The following NDST4 variants were observed in gnomAD, a reference collection of about 807,000 sequenced individuals.
NDST4 encodes N-heparan sulfate sulfotransferase 4.
NDST4 carries 63 observed loss-of-function variants against 100.8 expected under a neutral mutation model. The ratio of observed to expected loss-of-function variants is 0.62; its 90% confidence interval spans 0.51 to 0.77. NDST4 has a LOEUF of 0.77. Ranked by LOEUF, NDST4 falls within the 30% of genes least tolerant of loss-of-function variation. NDST4 has a pLI of 0.00. For missense variants in NDST4, 943 were observed against 1,018.4 expected, an observed-to-expected ratio of 0.93 and a Z score of 1.01; for synonymous variants, 377 against 361.8, an observed-to-expected ratio of 1.04 and a Z score of -0.48.
At chr4:114,940,050 A>T (rs1352183855) in intron 4 of NDST4, among the ~76,000 whole-genome samples, 4 of 152,218 alleles carry the variant, frequency 2.6e-5, no homozygotes, top group African/African-American at 7.2e-5. Flanking sequence ...GATCACAAAA[A>T]TTACAAAATT....
At chr4:115,094,513 A>T (rs1729582586) in intron 1 of NDST4, among the ~76,000 whole-genome samples, 1 of 152,214 alleles carries the variant, frequency 6.6e-6, no homozygotes, top group Non-Finnish European at 1.5e-5. Flanking sequence ...AAACAAACAT[A>T]AACCAAGCCA....
chr4:115,051,816 G>GT (rs1198102209), intron 2 of NDST4, among the ~76,000 whole-genome samples: 6 of 151,972 alleles, frequency 3.9e-5, no homozygotes, highest in Non-Finnish European at 8.8e-5. Flanking sequence ...TTTATTTTTA[G>GT]TTTTTTGAGG....
intron 7 of NDST4, among the ~76,000 whole-genome samples, chr4:114,867,317 G>T (rs1482264858): frequency 6.6e-6 from 1 of 152,086 alleles, no homozygotes; most frequent in Non-Finnish European, 1.5e-5. Context: ...ACTGGGGCTG[G>T]ATGTCTTGAC....
At chr4:114,848,087 A>G (rs1723593104) in intron 9 of NDST4, 128 bp downstream of exon 9, 7 of 752,680 alleles carry the variant, frequency 9.3e-6, no homozygotes, top group Non-Finnish European at 1.4e-5. Context: ...ATCATTATAA[A>G]TTAATTTCTA....
chr4:114,970,316 T>C, intron 4 of NDST4, 114 bp downstream of exon 4: 1 of 940,908 alleles, frequency 1.1e-6, no homozygotes, highest in Non-Finnish European at 1.6e-6. Context: ...TGATGCACCC[T>C]GATATTATAT....
intron 6 of NDST4, among the ~76,000 whole-genome samples, chr4:114,898,275 A>T (rs1022201378): frequency 2.6e-5 from 4 of 152,020 alleles, no homozygotes; most frequent in Non-Finnish European, 5.9e-5. Flanking sequence ...TTTTTATTTG[A>T]TGTGCAGTTG....
rs1330528796 is a variant in NDST4, at chr4:114,937,402, C to T, written c.1323G>A (p.Trp441Ter). The change falls in exon 5 of 14, where the codon TGG becomes TGA. Residue 441 changes from tryptophan (W) to a stop codon, truncating the protein, a stop_gained. Transcript: ENST00000264363. LOFTEE classifies it high-confidence loss of function. Reference sequence around the variant, plus strand: ...CTTCAGTGCTGGTGACTTGAATACCCCAGACCTTCTTCCAAGCTGCATACA... The same window carrying T: ...CTTCAGTGCTGGTGACTTGAATACCTCAGACCTTCTTCCAAGCTGCATACA... ...IQLYAAWKKVWGIQVTSTEEY... is the reference protein window; with the variant it reads ...IQLYAAWKKV 6.2e-7 allele frequency: 1 copy of T among 1,613,978 alleles called. No individual in the cohort carries two copies. The highest frequency in any genetic ancestry group is 8.5e-7 in the Non-Finnish European group (1 of 1,179,918).
At chr4:115,063,304 C>G (rs1224082857) in intron 2 of NDST4, among the ~76,000 whole-genome samples, 1 of 151,822 alleles carries the variant, frequency 6.6e-6, no homozygotes, top group East Asian at 1.9e-4. Flanking sequence ...TGCTCTAGAG[C>G]TAGGCTCAGA....
At chr4:115,048,502 C>G (rs538278243) in intron 2 of NDST4, among the ~76,000 whole-genome samples, 2 of 152,024 alleles carry the variant, frequency 1.3e-5, no homozygotes, top group African/African-American at 2.4e-5. Flanking sequence ...GCATTTTGAT[C>G]AAAAATCTTA....
At chr4:114,855,132 G>GT (rs948455981) in intron 7 of NDST4, among the ~76,000 whole-genome samples, 51 of 149,800 alleles carry the variant, frequency 3.4e-4, no homozygotes, top group East Asian at 7.8e-4. Flanking sequence ...CAGATTATTA[G>GT]TTTTTTTTTT....
In NDST4 at chr4:114,885,860, C is replaced by T. The variant is rs567404412; in HGVS notation, c.1537-14910G>A. 1.2e-4 allele frequency among the ~76,000 whole-genome samples: 18 copies of T among 152,062 alleles called. 1 individual carries two copies. The South Asian group carries it at 3.1e-3, about 26-fold the overall frequency. ...ATTTTATACATCTTTATCTTGGGCT[C>T]TGTATAGTTTCTAGTAAAACCAGAG... On this transcript the variant is annotated intron_variant, in intron 6 of 13. Coordinates refer to ENST00000264363, the MANE Select transcript of NDST4 (RefSeq NM_022569.3).
At chr4:114,835,604 G>A (rs1309537497) in intron 11 of NDST4, among the ~76,000 whole-genome samples, 4 of 152,168 alleles carry the variant, frequency 2.6e-5, no homozygotes, top group East Asian at 1.9e-4. Flanking sequence ...TTGATTTGGA[G>A]TGGAGAGTTC....
At chr4:114,911,102 A>G (rs978190097) in intron 6 of NDST4, among the ~76,000 whole-genome samples, 10 of 152,056 alleles carry the variant, frequency 6.6e-5, no homozygotes, top group African/African-American at 2.4e-4. Flanking sequence ...AGTGGCTCAC[A>G]TCTCACTTAT....
chr4:115,100,896 C>G (rs1354514416), intron 1 of NDST4, among the ~76,000 whole-genome samples: 1 of 151,394 alleles, frequency 6.6e-6, no homozygotes, highest in African/African-American at 2.4e-5. Context: ...GCAAGATGCC[C>G]TTATCTTTAA....
chr4:115,103,048 T>C (rs1263247101), intron 1 of NDST4, among the ~76,000 whole-genome samples: 3 of 151,960 alleles, frequency 2.0e-5, no homozygotes, highest in Non-Finnish European at 4.4e-5. Context: ...AATAAATACA[T>C]TAATGCTGTC....
Position 114,890,299 on chromosome 4 carries a change from T to C in NDST4, c.1537-19349A>G, listed in dbSNP as rs530699169. ...ATTTATAAATCTAATGCAATTATAG[T>C]TATCACGATGACTATAAGTAAATTA... On this transcript the variant is annotated intron_variant, in intron 6 of 13. Transcript: ENST00000264363. Among the ~76,000 whole-genome samples, 170 of 152,212 alleles carry C rather than the reference T, an allele frequency of 1.1e-3. 1 individual carries two copies. The highest frequency in any genetic ancestry group is 3.9e-3 in the African/African-American group (161 of 41,558).
At chr4:115,021,406 T>C (rs1727817465) in intron 2 of NDST4, among the ~76,000 whole-genome samples, 2 of 151,252 alleles carry the variant, frequency 1.3e-5, no homozygotes, top group Middle Eastern at 3.5e-3. Flanking sequence ...TCCATATAAA[T>C]ACATTCCACA....
At chr4:114,828,486 A>C (rs922419464) in intron 13 of NDST4, among the ~76,000 whole-genome samples, 1 of 152,138 alleles carries the variant, frequency 6.6e-6, no homozygotes, top group African/African-American at 2.4e-5. Flanking sequence ...AAATATTATA[A>C]GGTCTCTGAA....
intron 2 of NDST4, among the ~76,000 whole-genome samples, chr4:115,041,589 C>T (rs1728352828): frequency 1.3e-5 from 2 of 152,002 alleles, no homozygotes; most frequent in African/African-American, 4.8e-5. Context: ...AAGTGTATGG[C>T]TGAAATATGA....
Sources: gnomAD v4.1 joint callset for allele counts (sites outside exome capture counted in the v4.1 genomes callset) on GRCh38, gnomAD v4.1.1 for gene constraint, MANE v1.5 for transcripts, NCBI Gene and HGNC (gene_info 2026-07-23, HGNC 2026-07-21) for gene names.